The following CCNC variants were observed in gnomAD, a reference collection of about 807,000 sequenced individuals.
The protein encoded by CCNC is cyclin C.
CCNC carries 19 observed loss-of-function variants against 50.0 expected under a neutral mutation model. That is an observed-to-expected ratio of 0.38 (90% CI 0.27 to 0.56). The LOEUF (loss-of-function observed/expected upper bound fraction) is 0.56. CCNC is among the 20% of genes least tolerant of loss of function. The probability of loss-of-function intolerance (pLI) is 0.72; values close to 1 mark genes in which losing one functional copy is unlikely to be tolerated. For missense variants in CCNC, 200 were observed against 327.1 expected (o/e 0.61, Z 3.00); for synonymous variants, 93 against 103.7 (o/e 0.90, Z 0.63).
At chr6:99,544,179 CA>C in intron 11 of CCNC, 1 of 1,516,498 alleles carries the variant, frequency 6.6e-7, no homozygotes. Flanking sequence ...CTGAAAATAC[CA>C]GTAACTTTGG....
intron 4 of CCNC, 80 bp from the exon 5 acceptor site, chr6:99,558,628 C>T (rs1802646495): frequency 7.6e-7 from 1 of 1,323,054 alleles, no homozygotes; most frequent in African/African-American, 1.5e-5. Context: ...GATTTCCTTG[C>T]TCCTGTTTAC....
chr6:99,558,395 A>T (rs770691496), intron 5 of CCNC, 102 bp downstream of exon 5: 4 of 1,512,206 alleles, frequency 2.6e-6, no homozygotes, highest in Admixed American at 2.4e-5. Flanking sequence ...AATAAAGCCA[A>T]CCAATCTCAT....
In CCNC at chr6:99,549,306, A is replaced by AG; in HGVS notation, c.598+201_598+202insC. ...ATGGTTTCAAAAAAAAAAAAAAAAA[A>AG]CTTACCAAAAAGGGGGTGGGGGAAT... On this transcript the variant is annotated intron_variant, in intron 9 of 11. Coordinates refer to ENST00000520429, the MANE Select transcript of CCNC (RefSeq NM_005190.4). 4 of 596,742 alleles carry AG rather than the reference A, an allele frequency of 6.7e-6. No homozygotes were observed. The South Asian group carries it at 7.5e-5, about 11-fold the overall frequency. 37.0% of individuals were successfully genotyped at this position (596,742 alleles called of 1,614,324 possible).
At chr6:99,555,459 A>G (rs983698648) in intron 5 of CCNC, among the ~76,000 whole-genome samples, 6 of 151,194 alleles carry the variant, frequency 4.0e-5, no homozygotes, top group African/African-American at 1.5e-4. Context: ...ATTTTTAGGG[A>G]CAGAGTCTTA....
chr6:99,561,740 T>C, intron 2 of CCNC, 59 bp from the exon 3 acceptor site: 1 of 1,040,134 alleles, frequency 9.6e-7, no homozygotes, highest in Non-Finnish European at 1.5e-6. Flanking sequence ...AATATTAACA[T>C]TGAACAGTAA....
intron 5 of CCNC, 181 bp downstream of exon 5, chr6:99,558,316 T>TA (rs548137192): frequency 6.4e-4 from 526 of 820,500 alleles, no homozygotes; most frequent in South Asian, 1.1e-3. Context: ...TATATCTTTT[T>TA]AAAAAAAAAC....
intron 10 of CCNC, among the ~76,000 whole-genome samples, chr6:99,545,554 C>G (rs573414116): frequency 1.2e-4 from 19 of 152,298 alleles, no homozygotes; most frequent in Middle Eastern, 3.4e-3. Flanking sequence ...GCACACTCCT[C>G]TAGTATAAAT....
intron 3 of CCNC, 59 bp from the exon 4 acceptor site, chr6:99,561,495 A>T: frequency 7.2e-7 from 1 of 1,394,434 alleles, no homozygotes; most frequent in Non-Finnish European, 9.9e-7. Flanking sequence ...CTGGGAAAAA[A>T]ATCAAGATAA....
At chr6:99,550,130 G>T in intron 8 of CCNC, 88 bp downstream of exon 8, 2 of 901,966 alleles carry the variant, frequency 2.2e-6, no homozygotes, top group South Asian at 3.4e-5. Flanking sequence ...ATAGTTTAAT[G>T]ACTTTAAAAA....
intron 5 of CCNC, among the ~76,000 whole-genome samples, chr6:99,553,267 C>T (rs963335186): frequency 6.6e-6 from 1 of 151,948 alleles, no homozygotes; most frequent in African/African-American, 2.4e-5. Context: ...TTTACAAATC[C>T]TTGTGATGTA....
chr6:99,546,573 ACT>A, intron 9 of CCNC, 99 bp from the exon 10 acceptor site: 1 of 769,906 alleles, frequency 1.3e-6, no homozygotes, highest in Non-Finnish European at 2.3e-6. Context: ...ATTTTCCAAC[ACT>A]CTTTAAAAAA....
At chr6:99,556,630 C>G (rs1041951152) in intron 5 of CCNC, among the ~76,000 whole-genome samples, 1 of 152,158 alleles carries the variant, frequency 6.6e-6, no homozygotes, top group African/African-American at 2.4e-5. Context: ...CTGGCATTAC[C>G]CTCATGTGTA....
intron 9 of CCNC, 133 bp downstream of exon 9, chr6:99,549,375 C>T (rs1240376058): frequency 1.4e-6 from 1 of 705,162 alleles, no homozygotes; most frequent in Admixed American, 2.0e-5. Context: ...TTATTGAAAG[C>T]TCACATGCAA....
At chr6:99,551,935 G>T in intron 5 of CCNC, 40 bp from the exon 6 acceptor site, 1 of 1,291,390 alleles carries the variant, frequency 7.7e-7, no homozygotes, top group South Asian at 1.5e-5. Flanking sequence ...GAGAAAATGG[G>T]AAATAAATTA....
chr6:99,556,817 A>T (rs1490061631), intron 5 of CCNC, among the ~76,000 whole-genome samples: 2 of 152,184 alleles, frequency 1.3e-5, no homozygotes, highest in African/African-American at 4.8e-5. Flanking sequence ...GCTACCAGGG[A>T]GGATGAGGCA....
chr6:99,556,078 A>G (rs1295044495), intron 5 of CCNC, among the ~76,000 whole-genome samples: 2 of 152,202 alleles, frequency 1.3e-5, no homozygotes, highest in Non-Finnish European at 2.9e-5. Flanking sequence ...CAACTTAAAA[A>G]TTATTTTTTC....
rs1769265204 is a variant in CCNC at position 99,568,611 on chromosome 6, G to A, written c.-84C>T. On this transcript the variant is annotated 5_prime_UTR_variant, in exon 1 of 12. Transcript: ENST00000520429. ...CATAGACCCAGCCCGTCCGGTAACC[G>A]CGCTCCTCGATCAAATCAGCTCGGC... The A allele has an allele frequency of 6.4e-7, 1 of 1,568,150 alleles. No individual in the cohort carries two copies. The highest frequency in any genetic ancestry group is 8.6e-7 in the Non-Finnish European group (1 of 1,158,226).
chr6:99,544,902 C>G (rs1395750153), intron 11 of CCNC, among the ~76,000 whole-genome samples: 3 of 152,036 alleles, frequency 2.0e-5, no homozygotes, highest in Non-Finnish European at 4.4e-5. Context: ...AATATACCTC[C>G]ACTGCATTAG....
chr6:99,558,666 G>T, intron 4 of CCNC, 118 bp from the exon 5 acceptor site: 1 of 859,224 alleles, frequency 1.2e-6, no homozygotes, highest in Non-Finnish European at 1.7e-6. Flanking sequence ...ACTACTTGAG[G>T]TGTGAAGTAC....
Sources: gnomAD v4.1 joint callset for allele counts (sites outside exome capture counted in the v4.1 genomes callset) on GRCh38, gnomAD v4.1.1 for gene constraint, MANE v1.5 for transcripts, NCBI Gene and HGNC (gene_info 2026-07-23, HGNC 2026-07-21) for gene names.